Variants in PMM2 observed in about 807,000 individuals in gnomAD.
The protein encoded by PMM2 is phosphomannomutase 2.
PMM2 carries 35 observed loss-of-function variants against 33.2 expected under a neutral mutation model. The observed-to-expected ratio is 1.06, with a 90% CI of 0.81 to 1.40. PMM2 has a LOEUF of 1.40. Among genes scored for constraint, PMM2 ranks in the 40% most tolerant of loss-of-function variants. The probability of loss-of-function intolerance (pLI) is 0.00; values close to 1 mark genes in which losing one functional copy is unlikely to be tolerated. For missense variants in PMM2, 386 were observed against 306.0 expected, an observed-to-expected ratio of 1.26 and a Z score of -1.95; for synonymous variants, 153 against 114.7, an observed-to-expected ratio of 1.33 and a Z score of -2.13.
rs375144082 is a variant in PMM2 at position 8,804,862 on chromosome 16, G to C, written c.255+19G>C. 6.8e-7 allele frequency: 1 copy of C among 1,462,756 alleles called. No individual in the cohort carries two copies. The highest frequency in any genetic ancestry group is 9.6e-7 in the Non-Finnish European group (1 of 1,042,058). 90.6% of individuals were successfully genotyped at this position (1,462,756 alleles called of 1,614,324 possible). ...TAGACAGGTAGGTTCTTGAGTATCT[G>C]AATTACTATATACTATTAAAAGTGT... On this transcript the variant is annotated intron_variant, in intron 3 of 7. Transcript: ENST00000268261.
intron 7 of PMM2, among the ~76,000 whole-genome samples, chr16:8,846,613 C>G (rs535153239): frequency 1.1e-4 from 17 of 152,252 alleles, no homozygotes; most frequent in African/African-American, 4.1e-4. Context: ...TGCCCAGGTC[C>G]TCCTAGACAT....
At chr16:8,826,032 G>A (rs1245885775) in intron 7 of PMM2, among the ~76,000 whole-genome samples, 1 of 152,140 alleles carries the variant, frequency 6.6e-6, no homozygotes, top group East Asian at 1.9e-4. Flanking sequence ...AGGATTACAG[G>A]CATGTGCCAC....
At chr16:8,820,754 A>G (rs2060734397) in intron 7 of PMM2, among the ~76,000 whole-genome samples, 1 of 152,210 alleles carries the variant, frequency 6.6e-6, no homozygotes, top group Non-Finnish European at 1.5e-5. Flanking sequence ...TGGGACATGC[A>G]TCTTTGGCCT....
rs2060950047 is a variant in PMM2, at chr16:8,849,222, A to C, written c.*1397A>C. ...GGGGTGAAAGCAGCCAGCTCATCCC[A>C]GTGACTCACAGGACACAGCCATCCA... On this transcript the variant is annotated 3_prime_UTR_variant, in exon 8 of 8. Transcript: ENST00000268261. 6.6e-6 allele frequency: 1 copy of C among 152,382 alleles called. No homozygotes were observed. Among genetic ancestry groups the C allele is most frequent in the African/African-American group, 2.4e-5 (1 of 41,466 alleles). The allele number at this position is 152,382 out of a possible 1,614,324, so 9.4% of individuals were successfully genotyped here. A position where few individuals can be genotyped will look rare whatever the true frequency, so the allele number is the denominator to read the frequency against.
intron 2 of PMM2, among the ~76,000 whole-genome samples, chr16:8,803,827 G>A (rs896265544): frequency 4.0e-5 from 6 of 151,414 alleles, no homozygotes; most frequent in Non-Finnish European, 7.4e-5. Context: ...GGGACTACAG[G>A]CGCCCACCAG....
intron 7 of PMM2, 100 bp downstream of exon 7, chr16:8,813,206 C>T (rs2060687751): frequency 2.5e-6 from 2 of 810,586 alleles, no homozygotes; most frequent in Non-Finnish European, 4.4e-6. Flanking sequence ...CTTTACCCAC[C>T]CGCCCTGCTC....
At chr16:8,824,900 T>A (rs2060758208) in intron 7 of PMM2, among the ~76,000 whole-genome samples, 1 of 152,258 alleles carries the variant, frequency 6.6e-6, no homozygotes, top group Non-Finnish European at 1.5e-5. Context: ...TTATTTTTTT[T>A]AATAGTTTAC....
At chr16:8,804,991 CTA>C in intron 3 of PMM2, 148 bp downstream of exon 3, 1 of 646,938 alleles carries the variant, frequency 1.5e-6, no homozygotes, top group East Asian at 2.7e-5. Context: ...AACCATGTGA[CTA>C]TTACATATTC....
chr16:8,843,589 G>A lies in PMM2; in HGVS notation c.640-4135G>A, dbSNP rs531208213. 4.1e-3 allele frequency among the ~76,000 whole-genome samples: 618 copies of A among 152,212 alleles called. 5 individuals carry two copies. The highest frequency in any genetic ancestry group is 0.014 in the African/African-American group (569 of 41,522). Reference sequence around the variant, plus strand: ...TTCTGGAGGAACGCCTGGCCGCTGCGGTTCAGGCATTTGGAAGTTCTTGTG... The same window carrying A: ...TTCTGGAGGAACGCCTGGCCGCTGCAGTTCAGGCATTTGGAAGTTCTTGTG... On this transcript the variant is annotated intron_variant, in intron 7 of 7. Transcript: ENST00000268261.
At chr16:8,798,356 A>C (rs893469555) in intron 1 of PMM2, among the ~76,000 whole-genome samples, 1 of 152,212 alleles carries the variant, frequency 6.6e-6, no homozygotes, top group African/African-American at 2.4e-5. Context: ...TTCCAGGTCA[A>C]ACCGACCTAG....
intron 7 of PMM2, among the ~76,000 whole-genome samples, chr16:8,814,916 C>T (rs964162870): frequency 2.0e-5 from 3 of 152,100 alleles, no homozygotes; most frequent in African/African-American, 7.2e-5. Flanking sequence ...TCTGTTTGTC[C>T]AACAGATCTG....
intron 7 of PMM2, chr16:8,832,239 C>T (rs1203575337): frequency 1.0e-6 from 1 of 985,264 alleles, no homozygotes; most frequent in Admixed American, 6.1e-5. Flanking sequence ...AAAGGAAGGC[C>T]TGAGGCAGGT....
intron 6 of PMM2, 147 bp downstream of exon 6, chr16:8,811,860 A>G (rs376068144): frequency 2.7e-5 from 19 of 691,714 alleles, no homozygotes; most frequent in African/African-American, 1.4e-4. Context: ...ACAAAAACCA[A>G]CCACTCTCTT....
At chr16:8,829,650 A>T (rs2060798674) in intron 7 of PMM2, among the ~76,000 whole-genome samples, 1 of 152,126 alleles carries the variant, frequency 6.6e-6, no homozygotes, top group African/African-American at 2.4e-5. Flanking sequence ...TTCCACCGGG[A>T]ATTCAAAGGA....
rs1204544644 is a variant in PMM2 at position 8,839,460 on chromosome 16, G to A, written c.640-8264G>A. ...GGTAACTGCATAGAGGGGGAGGTTCGATTTTCATGGTGTATGAGAAAACGT... is the reference window on the plus strand; with the variant it reads ...GGTAACTGCATAGAGGGGGAGGTTCAATTTTCATGGTGTATGAGAAAACGT... On this transcript the variant is annotated intron_variant, in intron 7 of 7. Transcript: ENST00000268261. Among the ~76,000 whole-genome samples the A allele has an allele frequency of 2.0e-5, 3 of 151,958 alleles. No homozygotes were observed. The East Asian group carries it at 5.8e-4, about 29-fold the overall frequency.
intron 1 of PMM2, among the ~76,000 whole-genome samples, chr16:8,800,495 T>C (rs1284277451): frequency 2.0e-5 from 3 of 152,350 alleles, no homozygotes; most frequent in East Asian, 3.9e-4. Flanking sequence ...TTTATAACTT[T>C]TTTAAAATTA....
At chr16:8,800,324 G>A (rs1022811684) in intron 1 of PMM2, among the ~76,000 whole-genome samples, 3 of 147,924 alleles carry the variant, frequency 2.0e-5, no homozygotes, top group Middle Eastern at 3.6e-3. Flanking sequence ...CCACACCATT[G>A]CACTCCAGCC....
Position 8,847,732 on chromosome 16 carries a change from T to G in PMM2, c.648T>G (p.Asn216Lys). 1 of 1,612,712 alleles carries G rather than the reference T, an allele frequency of 6.2e-7. No individual in the cohort carries two copies. The change falls in exon 8 of 8, where the codon AAT becomes AAG. Residue 216 changes from asparagine to lysine, a missense_variant. Physicochemically the swap from Asn to Lys is moderately conservative, Grantham distance 94. Transcript: ENST00000268261. ...FFGDKTMPGG[N>K]DHEIFTDPRT... ...ACTTCGTGTCTTTCCAGGGTGGCAA[T>G]GACCATGAGATCTTCACAGACCCCA...
At chr16:8,814,400 C>T (rs987403571) in intron 7 of PMM2, among the ~76,000 whole-genome samples, 2 of 152,190 alleles carry the variant, frequency 1.3e-5, no homozygotes, top group African/African-American at 4.8e-5. Context: ...CGCCATCCTG[C>T]ACCTAGCAGG....
Sources: gnomAD v4.1 joint callset for allele counts (sites outside exome capture counted in the v4.1 genomes callset) on GRCh38, gnomAD v4.1.1 for gene constraint, MANE v1.5 for transcripts, NCBI Gene and HGNC (gene_info 2026-07-23, HGNC 2026-07-21) for gene names.